The following POLN variants were observed in gnomAD, a reference collection of about 807,000 sequenced individuals.
POLN encodes the protein DNA polymerase N.
Under a neutral mutation model 113.5 loss-of-function variants are expected in POLN, and 108 were observed. The observed-to-expected ratio is 0.95, with a 90% CI of 0.81 to 1.12. The LOEUF is 1.12. Ranked by LOEUF, POLN falls within the 50% of genes most tolerant of loss-of-function variation. The probability of loss-of-function intolerance (pLI) is 0.00; values close to 1 mark genes in which losing one functional copy is unlikely to be tolerated. For synonymous variants in POLN, 386 were observed against 391.5 expected, an observed-to-expected ratio of 0.99 and a Z score of 0.17; for missense variants, 1,097 against 1,077.1, an observed-to-expected ratio of 1.02 and a Z score of -0.26.
intron 13 of POLN, among the ~76,000 whole-genome samples, chr4:2,164,937 G>GGAACTCTCATTCATTGTT (rs970983533): frequency 1.0e-4 from 15 of 149,452 alleles, no homozygotes; most frequent in Non-Finnish European, 1.8e-4. Context: ...TGGAGCAACA[G>GGAACTCTCATTCATTGTT]GAACTCTCAT....
intron 14 of POLN, among the ~76,000 whole-genome samples, chr4:2,158,320 C>T (rs1732490533): frequency 2.0e-5 from 3 of 152,118 alleles, no homozygotes; most frequent in Admixed American, 2.0e-4. Flanking sequence ...CTACTATCAC[C>T]TTAGATGACT....
At chr4:2,180,907 A>G (rs1255423307) in intron 7 of POLN, among the ~76,000 whole-genome samples, 1 of 152,224 alleles carries the variant, frequency 6.6e-6, no homozygotes, top group Non-Finnish European at 1.5e-5. Flanking sequence ...AAAATTAAGA[A>G]AGAGTAAAAC....
At chr4:2,073,452 C>A (rs764083688) in intron 24 of POLN, among the ~76,000 whole-genome samples, 1 of 152,224 alleles carries the variant, frequency 6.6e-6, no homozygotes, top group South Asian at 2.1e-4. Flanking sequence ...GCACAGGGAG[C>A]CCCCACCAGC....
chr4:2,089,413 T>G, intron 20 of POLN: 1 of 1,384,046 alleles, frequency 7.2e-7, no homozygotes, highest in Non-Finnish European at 9.9e-7. Context: ...GACAGATGAC[T>G]GGTTACAAAG....
At chr4:2,237,148 T>C (rs1468160082) in intron 2 of POLN, among the ~76,000 whole-genome samples, 2 of 152,054 alleles carry the variant, frequency 1.3e-5, no homozygotes, top group Admixed American at 1.3e-4. Context: ...AGAATATAAC[T>C]ATGATGTAGT....
intron 7 of POLN, among the ~76,000 whole-genome samples, chr4:2,181,460 A>T (rs57654254): frequency 0.25 from 37,244 of 151,770 alleles, 7,042 homozygotes; most frequent in African/African-American, 0.51. Context: ...AAGACAGAAT[A>T]TTTTTTTAAA....
At chr4:2,142,022 A>C (rs1195816151) in intron 16 of POLN, among the ~76,000 whole-genome samples, 1 of 152,286 alleles carries the variant, frequency 6.6e-6, no homozygotes, top group Admixed American at 6.5e-5. Context: ...TTCCAAGCCA[A>C]GGAGGTACCC....
chr4:2,209,813 C>T (rs1733947841), intron 4 of POLN, among the ~76,000 whole-genome samples: 1 of 150,850 alleles, frequency 6.6e-6, no homozygotes, highest in Admixed American at 6.6e-5. Flanking sequence ...AGGGGTTCAC[C>T]ACCATATCCA....
chr4:2,239,687 G>A (rs1179330115), intron 2 of POLN, among the ~76,000 whole-genome samples: 1 of 152,160 alleles, frequency 6.6e-6, no homozygotes, highest in East Asian at 1.9e-4. Context: ...AAACGAGGCA[G>A]AATACCCATA....
At chr4:2,178,220 C>A (rs2108750302) in intron 8 of POLN, among the ~76,000 whole-genome samples, 1 of 152,276 alleles carries the variant, frequency 6.6e-6, no homozygotes, top group South Asian at 2.1e-4. Context: ...GGGCTCTCAT[C>A]ACCTCTTATC....
Position 2,134,994 on chromosome 4 carries a change from G to A in POLN, c.1732-3704C>T, listed in dbSNP as rs1923776. Among the ~76,000 whole-genome samples the A allele has an allele frequency of 4.8e-3, 729 of 152,294 alleles. 3 individuals carry two copies. The highest frequency in any genetic ancestry group is 8.0e-3 in the Non-Finnish European group (541 of 68,024). On this transcript the variant is annotated intron_variant, in intron 16 of 25. Transcript: ENST00000511885. ...GTGCACGCATCCCCCCAATACTGAT[G>A]ATGTTCCGCTACAGAGAAAGCACCA...
At chr4:2,177,373 T>A in intron 8 of POLN, 1 of 419,156 alleles carries the variant, frequency 2.4e-6, no homozygotes, top group South Asian at 1.7e-5. Flanking sequence ...TGCTGCTCCC[T>A]CTACCTGGAA....
At position 2,208,478 on chromosome 4, in the gene POLN, A is replaced by G. The variant is rs193199605; in HGVS notation, c.223T>C (p.Ser75Pro). 10 of 1,536,462 alleles carry G rather than the reference A, an allele frequency of 6.5e-6. No homozygotes were observed. In the Admixed American group the frequency reaches 1.5e-4, roughly 24 times the overall value. Residue 75 changes from serine (S) to proline (P), a missense_variant, in exon 5 of 26, where the codon TCT becomes CCT. By Grantham distance (74) the Ser-to-Pro change is moderately conservative. Transcript: ENST00000511885. ...TQSPEKKDLK[S>P]LRSQTSRGSA... is the part of the protein sequence containing the mutation. ...CCTCTTGATGTCTGACTTCTTAAAG[A>G]TTTAAGATCCTACAGAAAAATGGAA...
At chr4:2,097,411 T>C (rs1730821263) in intron 19 of POLN, among the ~76,000 whole-genome samples, 2 of 150,370 alleles carry the variant, frequency 1.3e-5, no homozygotes, top group Admixed American at 1.3e-4. Flanking sequence ...AGGGCAGTGG[T>C]GCGATCTCGA....
intron 19 of POLN, among the ~76,000 whole-genome samples, chr4:2,112,936 C>T (rs1286624465): frequency 3.3e-5 from 5 of 152,024 alleles, no homozygotes; most frequent in South Asian, 2.1e-4. Flanking sequence ...CACATGCACA[C>T]GTATGTTTAT....
intron 16 of POLN, among the ~76,000 whole-genome samples, chr4:2,153,744 G>A (rs531377981): frequency 1.5e-4 from 23 of 151,714 alleles, no homozygotes; most frequent in African/African-American, 4.3e-4. Context: ...TACCACGCCC[G>A]GCTAATTTTT....
At chr4:2,154,981 G>A (rs1198898426) in intron 16 of POLN, among the ~76,000 whole-genome samples, 1 of 152,180 alleles carries the variant, frequency 6.6e-6, no homozygotes, top group Non-Finnish European at 1.5e-5. Context: ...GAGAACCTGG[G>A]AGGAGTGCTA....
rs1354080976 is a variant in POLN, at chr4:2,157,881, C to T, written c.1642G>A (p.Gly548Arg). The T allele has an allele frequency of 1.2e-6, 2 of 1,608,234 alleles. No individual in the cohort carries two copies. Among genetic ancestry groups the T allele is most frequent in the South Asian group, 2.2e-5 (2 of 90,660 alleles). The change falls in exon 15 of 26, where the codon GGA becomes AGA. Residue 548 changes from glycine (G) to arginine (R), a missense_variant. Gly to Arg is a moderately radical substitution (Grantham distance 125). Transcript: ENST00000511885. ...ACCTTTTTCATGCAAGCTAGTAATC[C>T]ATCTACAAAGGTTGACTTGATCTTG... ...VHKIKSTFVD[G>R]LLACMKKGSI...
chr4:2,128,073 T>C, intron 19 of POLN, 40 bp downstream of exon 19: 1 of 1,293,686 alleles, frequency 7.7e-7, no homozygotes, highest in Non-Finnish European at 1.1e-6. Context: ...ATGTTGGCCT[T>C]CCTGCAGATC....
Sources: gnomAD v4.1 joint callset for allele counts (sites outside exome capture counted in the v4.1 genomes callset) on GRCh38, gnomAD v4.1.1 for gene constraint, MANE v1.5 for transcripts, NCBI Gene and HGNC (gene_info 2026-07-23, HGNC 2026-07-21) for gene names.